The following CARMIL1 variants were observed in gnomAD, a reference collection of about 807,000 sequenced individuals.
CARMIL1 encodes the protein capping protein regulator and myosin 1 linker 1.
A neutral mutation model predicts 177.1 loss-of-function variants in CARMIL1; 90 were observed. The observed-to-expected ratio is 0.51, with a 90% CI of 0.43 to 0.61. The LOEUF (loss-of-function observed/expected upper bound fraction) is 0.61, where lower values mean the gene tolerates loss of function less well. Ranked by LOEUF, CARMIL1 falls within the 20% of genes least tolerant of loss-of-function variation. The pLI is 0.00. For synonymous variants in CARMIL1, 577 were observed against 606.2 expected (o/e 0.95, Z 0.71); for missense variants, 1,380 against 1,667.0 (o/e 0.83, Z 3.00).
Position 25,518,240 on chromosome 6 carries a change from A to T in CARMIL1, c.1874+825A>T, listed in dbSNP as rs182474126. Among the ~76,000 whole-genome samples the T allele has an allele frequency of 1.1e-4, 16 of 152,330 alleles. 1 individual carries two copies. Among genetic ancestry groups the T allele is most frequent in the African/African-American group, 3.8e-4 (16 of 41,570 alleles). ...CTCATGCCTGACATGGTGTTGTGGTACAACCCTAGACTGGGAATGAGGAGT... is the reference window on the plus strand; with the variant it reads ...CTCATGCCTGACATGGTGTTGTGGTTCAACCCTAGACTGGGAATGAGGAGT... On this transcript the variant is annotated intron_variant, in intron 22 of 36. Transcript: ENST00000329474.
intron 24 of CARMIL1, among the ~76,000 whole-genome samples, chr6:25,536,060 G>C (rs753503575): frequency 6.6e-6 from 1 of 152,052 alleles, no homozygotes; most frequent in Non-Finnish European, 1.5e-5. Context: ...TTGTTCTCTC[G>C]TGGTGATTAA....
At chr6:25,340,329 CT>C (rs1303629270) in intron 2 of CARMIL1, among the ~76,000 whole-genome samples, 2 of 152,132 alleles carry the variant, frequency 1.3e-5, no homozygotes, top group African/African-American at 4.8e-5. Flanking sequence ...AGCTTAATGC[CT>C]TTTAAAATGA....
intron 3 of CARMIL1, 58 bp from the exon 4 acceptor site, chr6:25,426,443 T>C: frequency 7.6e-7 from 1 of 1,317,102 alleles, no homozygotes; most frequent in Non-Finnish European, 1.1e-6. Flanking sequence ...TTAAGTTATA[T>C]GTTTTTTTAA....
At chr6:25,601,556 A>G (rs949753169) in intron 33 of CARMIL1, among the ~76,000 whole-genome samples, 2 of 152,254 alleles carry the variant, frequency 1.3e-5, no homozygotes, top group African/African-American at 4.8e-5. Flanking sequence ...AAACCTAAAA[A>G]TTATTCTCTT....
At chr6:25,287,980 G>A (rs1781645450) in intron 2 of CARMIL1, among the ~76,000 whole-genome samples, 1 of 152,178 alleles carries the variant, frequency 6.6e-6, no homozygotes. Context: ...TGACTTCATG[G>A]GACTCGAAGC....
chr6:25,338,715 C>T (rs1219944343), intron 2 of CARMIL1, among the ~76,000 whole-genome samples: 1 of 152,142 alleles, frequency 6.6e-6, no homozygotes, highest in Non-Finnish European at 1.5e-5. Flanking sequence ...TTGTGTTTAG[C>T]ACTTTTCCAA....
rs1356993301 is a variant in CARMIL1, at chr6:25,607,323, C to T, written c.3847+1050C>T. On this transcript the variant is annotated intron_variant, in intron 35 of 36. Coordinates refer to ENST00000329474, the MANE Select transcript of CARMIL1 (RefSeq NM_017640.6). ...CAATTCTTCACCTCTTCCCCTTGTT[C>T]TCCCACAAAAATTAGTCAAACAGGG... is the stretch of plus-strand genomic sequence containing the variant. Among the ~76,000 whole-genome samples the T allele has an allele frequency of 3.3e-5, 5 of 151,902 alleles. No homozygotes were observed. In the South Asian group the frequency reaches 6.3e-4, roughly 19 times the overall value.
chr6:25,555,514 C>T (rs1810524399), intron 28 of CARMIL1, among the ~76,000 whole-genome samples: 1 of 152,146 alleles, frequency 6.6e-6, no homozygotes, highest in Non-Finnish European at 1.5e-5. Flanking sequence ...ATTCTCCTGA[C>T]TCAGCCTCCC....
chr6:25,420,062 A>G, intron 2 of CARMIL1, 52 bp from the exon 3 acceptor site: 3 of 1,447,492 alleles, frequency 2.1e-6, no homozygotes, highest in Non-Finnish European at 1.9e-6. Context: ...ACCAAAGCCC[A>G]CTGGCCCCAC....
At chr6:25,340,777 GTTTT>G (rs34928775) in intron 2 of CARMIL1, among the ~76,000 whole-genome samples, 40 of 86,158 alleles carry the variant, frequency 4.6e-4, no homozygotes, top group African/African-American at 6.8e-4. Context: ...GTCAATGAAG[GTTTT>G]TTTTTTTTTT....
chr6:25,513,699 A>G (rs1805677548), intron 20 of CARMIL1, among the ~76,000 whole-genome samples: 2 of 152,022 alleles, frequency 1.3e-5, no homozygotes, highest in South Asian at 4.2e-4. Flanking sequence ...ACACAGACAA[A>G]CCCCAGGCTG....
intron 2 of CARMIL1, among the ~76,000 whole-genome samples, chr6:25,298,821 C>G (rs750350503): frequency 6.8e-5 from 10 of 147,614 alleles, no homozygotes; most frequent in Non-Finnish European, 1.5e-4. Flanking sequence ...ATGGCGCGAT[C>G]TCGGCTCACC....
Position 25,554,208 on chromosome 6 carries a change from C to G in CARMIL1, c.2592+112C>G. The G allele has an allele frequency of 1.3e-6, 1 of 768,674 alleles. No individual in the cohort carries two copies. Among genetic ancestry groups the G allele is most frequent in the South Asian group, 1.6e-5 (1 of 60,832 alleles). 47.6% of individuals were successfully genotyped at this position (768,674 alleles called of 1,614,324 possible). A position where few individuals can be genotyped will look rare whatever the true frequency, so the allele number is the denominator to read the frequency against. On this transcript the variant is annotated intron_variant, in intron 28 of 36. Coordinates refer to ENST00000329474, the MANE Select transcript of CARMIL1 (RefSeq NM_017640.6). The surrounding 1 kb of genome is among the most constrained non-coding windows in gnomAD (Gnocchi z 4.6). The stretch of plus-strand genomic sequence containing the variant: ...TTTTCTGTATTTCACACTATTACAG[C>G]TTTATGGTTTGTGATCTTGGTTTTC...
At position 25,471,229 on chromosome 6, in the gene CARMIL1, T is replaced by C. The variant is rs1291407052; in HGVS notation, c.751T>C (p.Leu251=). ...GAGTAGGTCCAATCGACTGGAAGAA[T>C]TGGTGTTGGAAAATGCTGGACTTAG... The part of the protein sequence containing the change: ...VVSRSNRLEE[L]VLENAGLRTD... The change falls in exon 10 of 37, where the codon TTG becomes CTG. Residue 251 remains leucine (L), a synonymous_variant. Transcript: ENST00000329474. 1 of 1,613,360 alleles carries C rather than the reference T, an allele frequency of 6.2e-7. No individual in the cohort carries two copies. The highest frequency in any genetic ancestry group is 1.7e-5 in the Admixed American group (1 of 59,988).
At chr6:25,443,025 C>G (rs1479795393) in intron 5 of CARMIL1, among the ~76,000 whole-genome samples, 1 of 152,154 alleles carries the variant, frequency 6.6e-6, no homozygotes, top group Non-Finnish European at 1.5e-5. Context: ...ATATTTTCTT[C>G]CTGTGTTTGA....
intron 36 of CARMIL1, among the ~76,000 whole-genome samples, chr6:25,617,665 A>G (rs1035435023): frequency 2.6e-5 from 4 of 152,226 alleles, no homozygotes; most frequent in African/African-American, 9.6e-5. Context: ...TGAAGATAAT[A>G]TAAGTCTTCC....
intron 4 of CARMIL1, among the ~76,000 whole-genome samples, chr6:25,430,747 T>C (rs1290486267): frequency 6.6e-6 from 1 of 152,234 alleles, no homozygotes; most frequent in Non-Finnish European, 1.5e-5. Flanking sequence ...GGTTTTAAAT[T>C]GCAAATTCTA....
intron 2 of CARMIL1, among the ~76,000 whole-genome samples, chr6:25,303,987 T>C (rs1394848347): frequency 1.3e-5 from 2 of 152,250 alleles, no homozygotes; most frequent in Admixed American, 1.3e-4. Flanking sequence ...TTTAAGGTAA[T>C]TTCAGATCAC....
At chr6:25,348,420 C>T (rs994177551) in intron 2 of CARMIL1, among the ~76,000 whole-genome samples, 2 of 151,976 alleles carry the variant, frequency 1.3e-5, no homozygotes, top group South Asian at 2.1e-4. Context: ...GCGTGAGCCA[C>T]TGTGCCTTGC....
Sources: allele counts gnomAD v4.1 joint callset (sites outside exome capture counted in the v4.1 genomes callset), GRCh38; gene constraint gnomAD v4.1.1; non-coding constraint Gnocchi (gnomAD v3.1); transcripts MANE v1.5; gene names NCBI Gene and HGNC (gene_info 2026-07-23, HGNC 2026-07-21).